The following ARHGAP26 variants were observed in gnomAD, a reference collection of about 807,000 sequenced individuals.
The protein encoded by ARHGAP26 is Rho GTPase activating protein 26.
In ARHGAP26, 38 loss-of-function variants were observed where a neutral mutation model predicts 104.8. The observed-to-expected ratio is 0.36, with a 90% CI of 0.28 to 0.48. The LOEUF (loss-of-function observed/expected upper bound fraction) is 0.48, where lower values mean the gene tolerates loss of function less well. ARHGAP26 is among the 20% of genes least tolerant of loss of function. The probability of loss-of-function intolerance (pLI) is 0.99; values close to 1 mark genes in which losing one functional copy is unlikely to be tolerated. For synonymous variants in ARHGAP26, 341 were observed against 340.0 expected (o/e 1.00, Z -0.03); for missense variants, 704 against 947.9 (o/e 0.74, Z 3.38).
intron 1 of ARHGAP26, among the ~76,000 whole-genome samples, chr5:142,796,199 T>C (rs1373367589): frequency 2.0e-5 from 3 of 152,052 alleles, no homozygotes; most frequent in Non-Finnish European, 4.4e-5. Flanking sequence ...GGACAAATAT[T>C]TGTGGAATTA....
intron 22 of ARHGAP26, among the ~76,000 whole-genome samples, chr5:143,220,179 T>A (rs1810952547): frequency 6.6e-6 from 1 of 152,232 alleles, no homozygotes; most frequent in Non-Finnish European, 1.5e-5. Flanking sequence ...GGTTTTTGTT[T>A]TTTTGTTTTG....
chr5:142,784,936 T>A, intron 1 of ARHGAP26, among the ~76,000 whole-genome samples: 1 of 148,908 alleles, frequency 6.7e-6, no homozygotes, highest in African/African-American at 2.5e-5. Flanking sequence ...TTTTTTTTTT[T>A]TTTTTTTTGA....
intron 19 of ARHGAP26, among the ~76,000 whole-genome samples, chr5:143,134,689 C>T (rs1025991791): frequency 1.3e-5 from 2 of 152,196 alleles, no homozygotes; most frequent in Non-Finnish European, 2.9e-5. Flanking sequence ...ATATCACATC[C>T]GTTTTTCATC....
intron 1 of ARHGAP26, among the ~76,000 whole-genome samples, chr5:142,827,148 T>C (rs1219069128): frequency 1.3e-5 from 2 of 152,090 alleles, no homozygotes; most frequent in East Asian, 3.8e-4. Flanking sequence ...ATTTTTTTTC[T>C]AATGAAAAGC....
intron 20 of ARHGAP26, among the ~76,000 whole-genome samples, chr5:143,190,552 A>G (rs543326753): frequency 3.3e-5 from 5 of 150,970 alleles, no homozygotes; most frequent in African/African-American, 1.2e-4. Flanking sequence ...AAAGTGAAAT[A>G]AAGATATTCC....
chr5:142,932,421 C>G (rs565027779), intron 11 of ARHGAP26, among the ~76,000 whole-genome samples: 3 of 152,332 alleles, frequency 2.0e-5, no homozygotes, highest in African/African-American at 7.2e-5. Context: ...AACTTACCTC[C>G]CCTTATAAGC....
intron 17 of ARHGAP26, among the ~76,000 whole-genome samples, chr5:143,113,992 C>T (rs1795100838): frequency 6.6e-6 from 1 of 152,174 alleles, no homozygotes; most frequent in Non-Finnish European, 1.5e-5. Flanking sequence ...AGCTGTGTAA[C>T]CTCGAGCCAA....
At chr5:143,192,393 GCC>G (rs1289007717) in intron 20 of ARHGAP26, 3 of 152,290 alleles carry the variant, frequency 2.0e-5, no homozygotes, top group South Asian at 2.1e-4. Context: ...CACAAGTAAA[GCC>G]ATTTGTTTAG....
At chr5:143,000,460 G>A (rs1777034170) in intron 11 of ARHGAP26, among the ~76,000 whole-genome samples, 1 of 152,210 alleles carries the variant, frequency 6.6e-6, no homozygotes, top group Non-Finnish European at 1.5e-5. Flanking sequence ...AAAGGTATTG[G>A]TTCACACCAC....
At chr5:143,131,778 A>C (rs1293722981) in intron 18 of ARHGAP26, among the ~76,000 whole-genome samples, 2 of 152,212 alleles carry the variant, frequency 1.3e-5, no homozygotes, top group African/African-American at 4.8e-5. Flanking sequence ...TCTGCCTAGC[A>C]TAGTGCCTGG....
At chr5:142,993,390 C>T (rs540286944) in intron 11 of ARHGAP26, among the ~76,000 whole-genome samples, 7 of 152,110 alleles carry the variant, frequency 4.6e-5, no homozygotes, top group African/African-American at 1.2e-4. Flanking sequence ...AGGATGGTCT[C>T]GATCTCCTGA....
intron 11 of ARHGAP26, among the ~76,000 whole-genome samples, chr5:142,976,800 T>G (rs1373380665): frequency 6.6e-6 from 1 of 152,216 alleles, no homozygotes; most frequent in Non-Finnish European, 1.5e-5. Context: ...CTAGAGAATT[T>G]AGATTTTGAA....
At chr5:143,011,558 A>G (rs1046277378) in intron 11 of ARHGAP26, among the ~76,000 whole-genome samples, 4 of 152,118 alleles carry the variant, frequency 2.6e-5, no homozygotes, top group Non-Finnish European at 5.9e-5. Flanking sequence ...ATTATTTAGG[A>G]GGTCTTCAAA....
intron 1 of ARHGAP26, among the ~76,000 whole-genome samples, chr5:142,864,298 A>G (rs917930629): frequency 1.3e-5 from 2 of 152,214 alleles, no homozygotes; most frequent in Non-Finnish European, 2.9e-5. Flanking sequence ...GGCAGTGGAC[A>G]GAAAGGATTT....
At chr5:142,913,166 G>T (rs1040430437) in intron 9 of ARHGAP26, 33 bp from the exon 10 acceptor site, 1 of 1,577,170 alleles carries the variant, frequency 6.3e-7, no homozygotes. Flanking sequence ...TCCCATTCTG[G>T]CCTCATCTTG....
intron 17 of ARHGAP26, among the ~76,000 whole-genome samples, chr5:143,087,804 C>A (rs527460433): frequency 6.6e-6 from 1 of 152,068 alleles, no homozygotes; most frequent in East Asian, 1.9e-4. Context: ...CATGTGCCAC[C>A]ACGCCTGGCT....
At chr5:143,177,381 G>C (rs1252211789) in intron 20 of ARHGAP26, among the ~76,000 whole-genome samples, 1 of 152,162 alleles carries the variant, frequency 6.6e-6, no homozygotes, top group Non-Finnish European at 1.5e-5. Context: ...AAATGTATGT[G>C]AGATCACCAA....
chr5:142,800,456 G>A (rs533264403), intron 1 of ARHGAP26, among the ~76,000 whole-genome samples: 4 of 151,290 alleles, frequency 2.6e-5, no homozygotes, highest in Admixed American at 1.3e-4. Flanking sequence ...TGCAACCTCC[G>A]GGTTCAAACA....
intron 11 of ARHGAP26, among the ~76,000 whole-genome samples, chr5:142,933,021 G>T (rs1241398136): frequency 6.6e-6 from 1 of 152,206 alleles, no homozygotes; most frequent in African/African-American, 2.4e-5. Flanking sequence ...AATAACTGAT[G>T]ATTTAGGCAC....
Sources: gnomAD v4.1 joint callset for allele counts (sites outside exome capture counted in the v4.1 genomes callset) on GRCh38, gnomAD v4.1.1 for gene constraint, MANE v1.5 for transcripts, NCBI Gene and HGNC (gene_info 2026-07-23, HGNC 2026-07-21) for gene names.